Variants in GRM1 observed in about 807,000 individuals in gnomAD.
GRM1 encodes glutamate metabotropic receptor 1.
A neutral mutation model predicts 90.9 loss-of-function variants in GRM1; 33 were observed. That is an observed-to-expected ratio of 0.36 (90% confidence interval 0.28 to 0.49). The LOEUF (loss-of-function observed/expected upper bound fraction) is 0.49, where lower values mean the gene tolerates loss of function less well. GRM1 is among the 20% of genes least tolerant of loss of function. The probability of loss-of-function intolerance (pLI) is 0.99; values close to 1 mark genes in which losing one functional copy is unlikely to be tolerated. For synonymous variants in GRM1, 700 were observed against 613.2 expected (o/e 1.14, Z -2.09); for missense variants, 1,190 against 1,534.3 (o/e 0.78, Z 3.75).
At chr6:146,389,311 T>A (rs1776629685) in intron 6 of GRM1, among the ~76,000 whole-genome samples, 1 of 152,070 alleles carries the variant, frequency 6.6e-6, no homozygotes. Flanking sequence ...TGTCTACATT[T>A]TTTGGGCTTT....
intron 2 of GRM1, among the ~76,000 whole-genome samples, chr6:146,273,592 G>A (rs1782247209): frequency 1.3e-5 from 2 of 152,206 alleles, no homozygotes; most frequent in African/African-American, 4.8e-5. Flanking sequence ...CAAGTTCTAA[G>A]TGATGCCTAG....
intron 7 of GRM1, among the ~76,000 whole-genome samples, chr6:146,425,321 G>A (rs1778157033): frequency 6.6e-6 from 1 of 152,158 alleles, no homozygotes. Context: ...AAAACTCACA[G>A]CTCTTCTTCC....
intron 1 of GRM1, among the ~76,000 whole-genome samples, chr6:146,121,430 A>G (rs569250664): frequency 2.0e-5 from 3 of 151,658 alleles, no homozygotes; most frequent in Non-Finnish European, 2.9e-5. Flanking sequence ...TTGTGTCTCT[A>G]TCTCCTTCAG....
At chr6:146,171,556 T>C in intron 2 of GRM1, 1 of 232,808 alleles carries the variant, frequency 4.3e-6, no homozygotes, top group South Asian at 7.9e-5. Flanking sequence ...GAAGCTTCAC[T>C]AGATGATGCA....
chr6:146,409,576 T>C (rs1222546443), intron 7 of GRM1, among the ~76,000 whole-genome samples: 2 of 152,230 alleles, frequency 1.3e-5, no homozygotes, highest in Non-Finnish European at 2.9e-5. Context: ...TTGTTTTGTT[T>C]TGCTTTGCTT....
intron 2 of GRM1, among the ~76,000 whole-genome samples, chr6:146,270,165 G>A (rs1296319457): frequency 6.6e-6 from 1 of 152,032 alleles, no homozygotes; most frequent in South Asian, 2.1e-4. Context: ...ATATTTCCAA[G>A]AACTCCAAAG....
intron 1 of GRM1, among the ~76,000 whole-genome samples, chr6:146,114,827 T>C (rs1029885130): frequency 6.6e-6 from 1 of 152,068 alleles, no homozygotes; most frequent in Non-Finnish European, 1.5e-5. Flanking sequence ...CTCTGCAAAT[T>C]TGCATTGCTA....
chr6:146,356,314 G>A (rs1785581243), intron 4 of GRM1, among the ~76,000 whole-genome samples: 1 of 152,168 alleles, frequency 6.6e-6, no homozygotes, highest in South Asian at 2.1e-4. Context: ...CACAGTCCTG[G>A]AGGCTGGAAA....
At chr6:146,369,502 G>A (rs113928044) in intron 5 of GRM1, among the ~76,000 whole-genome samples, 3,210 of 151,668 alleles carry the variant, frequency 0.021, 108 homozygotes, top group African/African-American at 0.074. Flanking sequence ...TATACTGTAG[G>A]TTTTGGTATC....
intron 3 of GRM1, among the ~76,000 whole-genome samples, chr6:146,347,632 T>TA (rs948265835): frequency 1.2e-4 from 18 of 151,878 alleles, no homozygotes; most frequent in East Asian, 9.6e-4. Context: ...CACTGAAAGA[T>TA]AAAAAAAATT....
chr6:146,171,916 G>A (rs554238944), intron 2 of GRM1: 3 of 211,936 alleles, frequency 1.4e-5, no homozygotes, highest in African/African-American at 2.3e-5. Flanking sequence ...CCATCATAGG[G>A]CATAGAGCCC....
At chr6:146,281,339 A>G (rs1352176640) in intron 2 of GRM1, among the ~76,000 whole-genome samples, 1 of 152,212 alleles carries the variant, frequency 6.6e-6, no homozygotes, top group Non-Finnish European at 1.5e-5. Flanking sequence ...TACTTAGCAC[A>G]TTTGATCACA....
intron 2 of GRM1, among the ~76,000 whole-genome samples, chr6:146,236,550 T>C (rs921072362): frequency 5.3e-5 from 8 of 152,286 alleles, no homozygotes; most frequent in African/African-American, 1.4e-4. Flanking sequence ...GCAATCACTT[T>C]GTCTGCATCT....
chr6:146,214,348 A>G (rs911126812), intron 2 of GRM1, among the ~76,000 whole-genome samples: 1 of 152,218 alleles, frequency 6.6e-6, no homozygotes, highest in Non-Finnish European at 1.5e-5. Context: ...AAATTAATGA[A>G]TAAGATAATT....
intron 1 of GRM1, among the ~76,000 whole-genome samples, chr6:146,130,665 C>T (rs926547716): frequency 6.6e-6 from 1 of 151,806 alleles, no homozygotes; most frequent in Non-Finnish European, 1.5e-5. Context: ...TATTTTTGTA[C>T]TAAAATTTCA....
At chr6:146,357,785 T>A in intron 5 of GRM1, 91 bp downstream of exon 5, 1 of 1,046,558 alleles carries the variant, frequency 9.6e-7, no homozygotes, top group Non-Finnish European at 1.5e-6. Context: ...TTTAAAAACA[T>A]AACTGTCTAG....
intron 2 of GRM1, among the ~76,000 whole-genome samples, chr6:146,274,164 A>T (rs1782270978): frequency 7.2e-6 from 1 of 139,284 alleles, no homozygotes; most frequent in Non-Finnish European, 1.5e-5. Flanking sequence ...GAGGAACCAA[A>T]CACAGGAATA....
At chr6:146,176,000 T>G (rs1215271299) in intron 2 of GRM1, among the ~76,000 whole-genome samples, 3 of 152,128 alleles carry the variant, frequency 2.0e-5, no homozygotes, top group Non-Finnish European at 4.4e-5. Context: ...AGTAACTATC[T>G]CCTAAGTTAT....
chr6:146,387,686 G>C (rs1411349861), intron 6 of GRM1, among the ~76,000 whole-genome samples: 3 of 152,000 alleles, frequency 2.0e-5, no homozygotes, highest in African/African-American at 7.2e-5. Context: ...GAACAAGTAT[G>C]TGGGGTTGGT....
Sources: allele counts gnomAD v4.1 joint callset (sites outside exome capture counted in the v4.1 genomes callset), GRCh38; gene constraint gnomAD v4.1.1; transcripts MANE v1.5; gene names NCBI Gene and HGNC (gene_info 2026-07-23, HGNC 2026-07-21).